MRTFB: variants seen among roughly 807,000 people sequenced by gnomAD.
MRTFB encodes myocardin-related transcription factor B.
A neutral mutation model predicts 104.2 loss-of-function variants in MRTFB; 29 were observed. The observed-to-expected ratio is 0.28, with a 90% CI of 0.21 to 0.38. The LOEUF (loss-of-function observed/expected upper bound fraction) is 0.38, where lower values mean the gene tolerates loss of function less well. MRTFB is among the 10% of genes least tolerant of loss of function. MRTFB has a pLI of 1.00. For missense variants in MRTFB, 1,270 were observed against 1,341.6 expected (o/e 0.95, Z 0.83); for synonymous variants, 535 against 519.5 (o/e 1.03, Z -0.41).
At chr16:14,077,379 G>A (rs2034126309) in intron 1 of MRTFB, among the ~76,000 whole-genome samples, 1 of 152,168 alleles carries the variant, frequency 6.6e-6, no homozygotes, top group Non-Finnish European at 1.5e-5. Flanking sequence ...GTTGATGGTG[G>A]TGTGAGTTTC....
At chr16:14,219,874 G>A (rs763437331) in intron 8 of MRTFB, among the ~76,000 whole-genome samples, 1 of 152,160 alleles carries the variant, frequency 6.6e-6, no homozygotes, top group Non-Finnish European at 1.5e-5. Flanking sequence ...AGGGAGGGAA[G>A]GGGAGAGAGA....
intron 8 of MRTFB, among the ~76,000 whole-genome samples, chr16:14,227,578 C>T (rs2042064971): frequency 6.6e-6 from 1 of 152,132 alleles, no homozygotes; most frequent in South Asian, 2.1e-4. Context: ...GTGGCACAAT[C>T]ACGGCTCACT....
At chr16:14,241,956 T>A (rs934467548) in intron 10 of MRTFB, among the ~76,000 whole-genome samples, 3 of 143,424 alleles carry the variant, frequency 2.1e-5, no homozygotes, top group Non-Finnish European at 4.6e-5. Flanking sequence ...TCCTTTGGCA[T>A]TGGGCACCAA....
the MRTFB span, among the ~76,000 whole-genome samples, chr16:14,020,711 A>G: frequency 6.6e-6 from 1 of 152,152 alleles, no homozygotes; most frequent in Non-Finnish European, 1.5e-5. Context: ...ATGAAATTAT[A>G]ATGGAGACCA....
intron 9 of MRTFB, 57 bp downstream of exon 9, chr16:14,234,340 ACC>A (rs1379874253): frequency 6.4e-7 from 1 of 1,556,054 alleles, no homozygotes; most frequent in African/African-American, 1.4e-5. Flanking sequence ...TCTGTCTATA[ACC>A]CTGTGAATGG....
At chr16:14,144,018 C>T (rs573646994) in intron 3 of MRTFB, 8 of 152,274 alleles carry the variant, frequency 5.3e-5, no homozygotes, top group East Asian at 1.9e-4. Context: ...TACTTTGTAA[C>T]GACACCCAAC....
Position 14,177,903 on chromosome 16 carries a change from G to GGTGTGTGTGT in MRTFB, c.155-32316_155-32307dup, listed in dbSNP as rs142062484. Among the ~76,000 whole-genome samples, 251 of 146,072 alleles carry GGTGTGTGTGT rather than the reference G, an allele frequency of 1.7e-3. 4 individuals are homozygous for GGTGTGTGTGT. In the East Asian group the frequency reaches 0.031, roughly 18 times the overall value. ...CGAGAAGTACATGAACCAGAGGTAG[G>GGTGTGTGTGT]GTGTGTGTGTGTGTGTGTGTGTGTG... On this transcript the variant is annotated intron_variant, in intron 3 of 16. Transcript: ENST00000571589. This position sits in a 1 kb window ranked among gnomAD's most constrained non-coding sequence, Gnocchi z 4.7.
upstream of MRTFB, among the ~76,000 whole-genome samples, chr16:14,069,397 T>G (rs573274248): frequency 6.6e-6 from 1 of 152,242 alleles, no homozygotes; most frequent in Non-Finnish European, 1.5e-5. Context: ...GACTGAGCTA[T>G]GTCACCAGTT....
chr16:14,094,174 C>T (rs557883429), intron 2 of MRTFB, among the ~76,000 whole-genome samples: 2 of 152,280 alleles, frequency 1.3e-5, no homozygotes, highest in East Asian at 1.9e-4. Flanking sequence ...ACTCCTGTTG[C>T]ACCATGTAAG....
chr16:14,091,994 CAAAAAAAAAAAAAAA>C (rs10523985), intron 2 of MRTFB, among the ~76,000 whole-genome samples: 24,888 of 84,380 alleles, frequency 0.29, 3,602 homozygotes, highest in African/African-American at 0.47. Flanking sequence ...GACTTCATCT[CAAAAAAAAAAAAAAA>C]AAAAAAAAAA....
the MRTFB span, among the ~76,000 whole-genome samples, chr16:14,051,711 G>C: frequency 6.6e-6 from 1 of 152,092 alleles, no homozygotes; most frequent in African/African-American, 2.4e-5. Flanking sequence ...GACACACCAG[G>C]TCTGCCTATG....
At chr16:14,117,429 A>G (rs1445311298) in intron 2 of MRTFB, among the ~76,000 whole-genome samples, 1 of 152,300 alleles carries the variant, frequency 6.6e-6, no homozygotes, top group African/African-American at 2.4e-5. Context: ...GTCCCATAGC[A>G]TCTATTCTTT....
At chr16:14,210,035 T>C (rs2041125523) in intron 3 of MRTFB, among the ~76,000 whole-genome samples, 1 of 152,240 alleles carries the variant, frequency 6.6e-6, no homozygotes, top group South Asian at 2.1e-4. Flanking sequence ...AAAAAATTTA[T>C]ACTGTGTAAA....
At chr16:14,081,415 C>T (rs926651057) in intron 2 of MRTFB, among the ~76,000 whole-genome samples, 2 of 151,820 alleles carry the variant, frequency 1.3e-5, no homozygotes, top group Non-Finnish European at 2.9e-5. Context: ...GCCTCAGCCT[C>T]GCAAGTAGCT....
At chr16:14,068,344 A>G (rs2033543001), upstream of MRTFB, among the ~76,000 whole-genome samples, 1 of 152,174 alleles carries the variant, frequency 6.6e-6, no homozygotes, top group Non-Finnish European at 1.5e-5. Flanking sequence ...CTTATGTTAG[A>G]TGAGAACACT....
chr16:14,060,775 C>A, the MRTFB span, among the ~76,000 whole-genome samples: 1 of 152,032 alleles, frequency 6.6e-6, no homozygotes, highest in Admixed American at 6.6e-5. Context: ...AATCAGTGAG[C>A]AAGTGACCAT....
In MRTFB at chr16:14,261,026, A is replaced by G. The variant is rs1184886541; in HGVS notation, c.2882A>G (p.Gln961Arg). 1 of 1,614,208 alleles carries G rather than the reference A, an allele frequency of 6.2e-7. No homozygotes were observed. Among genetic ancestry groups the G allele is most frequent in the South Asian group, 1.1e-5 (1 of 91,084 alleles). ...TVVSRPPPQV[Q>R]MAPPVSLEPM... is the part of the protein sequence containing the mutation. ...GTGTCCCGGCCACCACCCCAAGTCC[A>G]AATGGCACCACCTGTATCTTTAGAA... Residue 961 changes from glutamine to arginine, a missense_variant, in exon 17 of 17, where the codon CAA becomes CGA. Around this residue, in one of 3 missense-constraint regions of MRTFB, gnomAD observed 1,144 missense variants for 1,131.5 expected, o/e 1.01. Coordinates refer to ENST00000571589, the MANE Select transcript of MRTFB (RefSeq NM_001308142.2).
the MRTFB span, among the ~76,000 whole-genome samples, chr16:14,046,418 T>C: frequency 4.6e-5 from 7 of 152,148 alleles, no homozygotes; most frequent in Non-Finnish European, 1.0e-4. Context: ...ATGTTGAATC[T>C]CCATCCCTAT....
chr16:14,095,077 C>T (rs964153220), intron 2 of MRTFB, among the ~76,000 whole-genome samples: 4 of 152,154 alleles, frequency 2.6e-5, no homozygotes, highest in East Asian at 1.9e-4. Flanking sequence ...AGAGAACTTG[C>T]CTGACTTTGT....
Sources: gnomAD v4.1 joint callset for allele counts (sites outside exome capture counted in the v4.1 genomes callset) on GRCh38, gnomAD v4.1.1 for gene constraint, gnomAD v4.1.1 regional missense constraint, Gnocchi (gnomAD v3.1) non-coding constraint, MANE v1.5 for transcripts, NCBI Gene and HGNC (gene_info 2026-07-23, HGNC 2026-07-21) for gene names.